The following CD83 variants were observed in gnomAD, a reference collection of about 807,000 sequenced individuals.
CD83 encodes the protein CD83 antigen.
A neutral mutation model predicts 24.6 loss-of-function variants in CD83; 22 were observed. The observed-to-expected ratio is 0.90, with a 90% CI of 0.64 to 1.28. The LOEUF is 1.28. Among genes scored for constraint, CD83 ranks in the 50% most tolerant of loss-of-function variants. CD83 has a pLI of 0.00. For synonymous variants in CD83, 101 were observed against 103.5 expected (o/e 0.98, Z 0.14); for missense variants, 253 against 252.8 (o/e 1.00, Z -0.01).
Position 14,136,188 on chromosome 6 carries a change from G to T in CD83, c.*952G>T, listed in dbSNP as rs976295309. The T allele has an allele frequency of 1.5e-4, 23 of 152,202 alleles. No homozygotes were observed. Among genetic ancestry groups the T allele is most frequent in the African/African-American group, 4.8e-4 (20 of 41,446 alleles). The allele number at this position is 152,202 out of a possible 1,614,324, so 9.4% of individuals were successfully genotyped here. A position where few individuals can be genotyped will look rare whatever the true frequency, so the allele number is the denominator to read the frequency against. On this transcript the variant is annotated 3_prime_UTR_variant, in exon 5 of 5. Transcript: ENST00000379153. ...GCATGGGCTAATGAAGATCATATACGTGAAAATTATTTGAAAACATATAAA... is the reference window on the plus strand; with the variant it reads ...GCATGGGCTAATGAAGATCATATACTTGAAAATTATTTGAAAACATATAAA...
chr6:14,128,155 G>A (rs973701928), intron 2 of CD83, among the ~76,000 whole-genome samples: 4 of 152,196 alleles, frequency 2.6e-5, no homozygotes, highest in Non-Finnish European at 4.4e-5. Flanking sequence ...GCAAAGTGGG[G>A]ATGGCCCATT....
intron 2 of CD83, among the ~76,000 whole-genome samples, chr6:14,118,644 T>C (rs1328405074): frequency 1.3e-5 from 2 of 152,210 alleles, no homozygotes; most frequent in African/African-American, 4.8e-5. Context: ...TCCTCCTTCC[T>C]CTGGCAGCCT....
intron 2 of CD83, 67 bp from the exon 3 acceptor site, chr6:14,131,453 G>A: frequency 8.6e-7 from 1 of 1,164,036 alleles, no homozygotes; most frequent in Admixed American, 1.9e-5. Context: ...AAAACAAAAT[G>A]GAAACATTGG....
chr6:14,129,358 G>A lies in CD83; in HGVS notation c.154-2162G>A, dbSNP rs1459601240. ...AAGCCGCTCTGCCAGGCAGCGGAAG[G>A]GAGAGGCAAGCAGTGTGAGCCCATG... On this transcript the variant is annotated intron_variant, in intron 2 of 4. Coordinates refer to ENST00000379153, the MANE Select transcript of CD83 (RefSeq NM_004233.4). This position sits in a 1 kb window ranked among gnomAD's most constrained non-coding sequence, Gnocchi z 4.3. Among the ~76,000 whole-genome samples, 1 of 152,170 alleles carries A rather than the reference G, an allele frequency of 6.6e-6. No homozygotes were observed. Among genetic ancestry groups the A allele is most frequent in the East Asian group, 1.9e-4 (1 of 5,184 alleles).
intron 2 of CD83, among the ~76,000 whole-genome samples, chr6:14,122,162 T>G (rs1017108069): frequency 3.9e-5 from 6 of 152,066 alleles, no homozygotes; most frequent in African/African-American, 1.4e-4. Context: ...ATAAATAGAC[T>G]TTATAATATT....
At chr6:14,118,843 T>C (rs1581324818) in intron 2 of CD83, among the ~76,000 whole-genome samples, 1 of 152,366 alleles carries the variant, frequency 6.6e-6, no homozygotes, top group African/African-American at 2.4e-5. Context: ...TTGATATCAC[T>C]GGTCCTTCTT....
chr6:14,128,135 A>C (rs1305729510), intron 2 of CD83, among the ~76,000 whole-genome samples: 1 of 152,248 alleles, frequency 6.6e-6, no homozygotes, highest in Non-Finnish European at 1.5e-5. Flanking sequence ...ATGAGAACTC[A>C]TAAAACAAAG....
At chr6:14,117,701 A>C, upstream of CD83, 1 of 733,844 alleles carries the variant, frequency 1.4e-6, no homozygotes, top group Non-Finnish European at 2.0e-6. This position sits in a 1 kb window ranked among gnomAD's most constrained non-coding sequence, Gnocchi z 4.6. Flanking sequence ...CCGCCGGGGA[A>C]TCCCCCGGGC....
At position 14,133,732 on chromosome 6, in the gene CD83, T is replaced by C. The variant is rs751954501; in HGVS notation, c.466T>C (p.Leu156=). The change falls in exon 4 of 5, where the codon TTA becomes CTA. Residue 156 remains leucine (L), a synonymous_variant. Transcript: ENST00000379153. The part of the protein sequence containing the change: ...VLLLALVIFY[L]TLIIFTCKFA... ...GCTGCTGGCTCTGGTTATTTTCTAC[T>C]TAACACTCATCATTTTCACTTGTGT... 2 of 1,610,322 alleles carry C rather than the reference T, an allele frequency of 1.2e-6. No individual in the cohort carries two copies. Among genetic ancestry groups the C allele is most frequent in the Non-Finnish European group, 1.7e-6 (2 of 1,176,822 alleles).
At chr6:14,118,467 G>A (rs541590518) in intron 2 of CD83, among the ~76,000 whole-genome samples, 1 of 152,264 alleles carries the variant, frequency 6.6e-6, no homozygotes, top group Non-Finnish European at 1.5e-5. Flanking sequence ...CCAGACTTCT[G>A]ATTTCTTGTG....
chr6:14,123,644 T>C (rs965175847), intron 2 of CD83, among the ~76,000 whole-genome samples: 2 of 150,156 alleles, frequency 1.3e-5, no homozygotes, highest in African/African-American at 4.9e-5. Context: ...TAGATGAGAA[T>C]GGTGGATCAC....
chr6:14,126,979 C>A (rs1244482949), intron 2 of CD83, among the ~76,000 whole-genome samples: 2 of 151,552 alleles, frequency 1.3e-5, no homozygotes, highest in Non-Finnish European at 2.9e-5. Flanking sequence ...TTCCCCCCAC[C>A]CCTGCTTTTA....
At chr6:14,130,636 G>A (rs1019280468) in intron 2 of CD83, among the ~76,000 whole-genome samples, 1 of 152,144 alleles carries the variant, frequency 6.6e-6, no homozygotes, top group Non-Finnish European at 1.5e-5. Flanking sequence ...AGGCTGAGGT[G>A]GGAGTACCAG....
chr6:14,126,209 A>G (rs764731957), intron 2 of CD83, among the ~76,000 whole-genome samples: 1 of 152,186 alleles, frequency 6.6e-6, no homozygotes, highest in Admixed American at 6.5e-5. Flanking sequence ...TCACGCATTC[A>G]TTCAGTAAAT....
chr6:14,134,207 C>T (rs572352195), intron 4 of CD83, among the ~76,000 whole-genome samples: 3 of 152,342 alleles, frequency 2.0e-5, no homozygotes, highest in Non-Finnish European at 4.4e-5. Context: ...CGTGGGGGTT[C>T]TCCCCTTCTA....
At chr6:14,120,014 C>T (rs542224899) in intron 2 of CD83, among the ~76,000 whole-genome samples, 3 of 152,224 alleles carry the variant, frequency 2.0e-5, no homozygotes, top group South Asian at 2.1e-4. Flanking sequence ...AGAATTCTTG[C>T]GAGATTTACC....
chr6:14,123,006 G>A (rs537718069), intron 2 of CD83, among the ~76,000 whole-genome samples: 4 of 152,198 alleles, frequency 2.6e-5, no homozygotes, highest in Non-Finnish European at 5.9e-5. Flanking sequence ...GACAGATTGT[G>A]AGGGGCCTTG....
At chr6:14,122,519 C>T (rs1759692622) in intron 2 of CD83, among the ~76,000 whole-genome samples, 1 of 152,032 alleles carries the variant, frequency 6.6e-6, no homozygotes, top group Non-Finnish European at 1.5e-5. Context: ...ACTGTGCTTC[C>T]TTGATTCCAG....
At chr6:14,120,508 A>G (rs1176146608) in intron 2 of CD83, among the ~76,000 whole-genome samples, 1 of 152,200 alleles carries the variant, frequency 6.6e-6, no homozygotes, top group Non-Finnish European at 1.5e-5. Context: ...GAACCAGCTT[A>G]TCCCATCCTA....
Sources: allele counts gnomAD v4.1 joint callset (sites outside exome capture counted in the v4.1 genomes callset), GRCh38; gene constraint gnomAD v4.1.1; non-coding constraint Gnocchi (gnomAD v3.1); transcripts MANE v1.5; gene names NCBI Gene and HGNC (gene_info 2026-07-23, HGNC 2026-07-21).